Variants in BRPF3 observed in about 807,000 individuals in gnomAD.
BRPF3 encodes bromodomain and PHD finger-containing protein 3.
BRPF3 carries 18 observed loss-of-function variants against 102.0 expected under a neutral mutation model. The ratio of observed to expected loss-of-function variants is 0.18; its 90% CI spans 0.12 to 0.26. BRPF3 has a LOEUF of 0.26. BRPF3 is among the 10% of genes least tolerant of loss of function. BRPF3 has a pLI of 1.00. For missense variants in BRPF3, 1,147 were observed against 1,567.8 expected, an observed-to-expected ratio of 0.73 and a Z score of 4.53; for synonymous variants, 570 against 614.2, an observed-to-expected ratio of 0.93 and a Z score of 1.06.
In BRPF3 at chr6:36,210,270, C is replaced by A; in HGVS notation, c.1921C>A (p.Arg641=). 1 of 1,614,188 alleles carries A rather than the reference C, an allele frequency of 6.2e-7. No individual in the cohort carries two copies. Among genetic ancestry groups the A allele is most frequent in the South Asian group, 1.1e-5 (1 of 91,084 alleles). Reference sequence around the variant, plus strand: ...GCCAATGGATTTTTCTACTATGAGGCGGAAGCTGGAGTCCCACCTGTACCG... The same window carrying A: ...GCCAATGGATTTTTCTACTATGAGGAGGAAGCTGGAGTCCCACCTGTACCG... ...SKPMDFSTMR[R]KLESHLYRTL... The change falls in exon 6 of 13, where the codon CGG becomes AGG. Residue 641 remains arginine, a synonymous_variant. Coordinates refer to ENST00000357641, the MANE Select transcript of BRPF3 (RefSeq NM_015695.3). The surrounding 1 kb of genome is among the most constrained non-coding windows in gnomAD (Gnocchi z 4.7).
chr6:36,207,273 A>G (rs770252110), intron 3 of BRPF3, 40 bp from the exon 4 acceptor site: 13 of 1,598,844 alleles, frequency 8.1e-6, no homozygotes, highest in Non-Finnish European at 1.0e-5. Flanking sequence ...GACTTTTGCA[A>G]GAAGGAGGTT....
Position 36,214,289 on chromosome 6 carries a change from C to G in BRPF3, c.2892C>G (p.Ala964=). ...HGVAGSPASP[A]SIEEERHSRK... ...TGGCAGGCTCTCCTGCCTCTCCAGC[C>G]AGCATCGAGGAAGAGCGCCACTCCC... is the stretch of plus-strand genomic sequence containing the variant. Residue 964 remains alanine, a synonymous_variant, in exon 8 of 13, where the codon GCC becomes GCG. Coordinates refer to ENST00000357641, the MANE Select transcript of BRPF3 (RefSeq NM_015695.3). 6.2e-7 allele frequency: 1 copy of G among 1,614,088 alleles called. No individual in the cohort carries two copies. The highest frequency in any genetic ancestry group is 8.5e-7 in the Non-Finnish European group (1 of 1,180,038).
At chr6:36,202,665 A>AG (rs1424707556) in intron 2 of BRPF3, among the ~76,000 whole-genome samples, 1 of 152,186 alleles carries the variant, frequency 6.6e-6, no homozygotes, top group Non-Finnish European at 1.5e-5. Context: ...CCCCAGATGA[A>AG]GAAACTGCGG....
Position 36,200,301 on chromosome 6 carries a change from G to GAGAGA in BRPF3, c.-22_-21insAGAGA. ...CTCCTGGCCTTCTCTCCTTAGGCCT[G>GAGAGA]TCCCCTCAGTTCCCAGGTGCCATGA... is the stretch of plus-strand genomic sequence containing the variant. On this transcript the variant is annotated 5_prime_UTR_variant, in exon 2 of 13. Coordinates refer to ENST00000357641, the MANE Select transcript of BRPF3 (RefSeq NM_015695.3). This position sits in a 1 kb window ranked among gnomAD's most constrained non-coding sequence, Gnocchi z 5.3. 6.2e-7 allele frequency: 1 copy of GAGAGA among 1,605,612 alleles called. No individual in the cohort carries two copies. The highest frequency in any genetic ancestry group is 8.5e-7 in the Non-Finnish European group (1 of 1,175,730).
intron 9 of BRPF3, among the ~76,000 whole-genome samples, chr6:36,218,420 T>C (rs1200328600): frequency 6.6e-5 from 10 of 151,936 alleles, no homozygotes; most frequent in African/African-American, 1.5e-4. Flanking sequence ...AGAGGTGTGG[T>C]GTAGGTGTAT....
chr6:36,223,930 T>C (rs6935941), intron 10 of BRPF3, among the ~76,000 whole-genome samples: 2,090 of 152,346 alleles, frequency 0.014, 39 homozygotes, highest in African/African-American at 0.041. Context: ...GTTTGGTCTG[T>C]AATTGCATCA....
At position 36,225,320 on chromosome 6, in the gene BRPF3, C is replaced by T. The variant is rs1310180957; in HGVS notation, c.3235C>T (p.Leu1079=). The T allele has an allele frequency of 3.1e-6, 5 of 1,610,888 alleles. No individual in the cohort carries two copies. The highest frequency in any genetic ancestry group is 4.2e-6 in the Non-Finnish European group (5 of 1,180,014). The change falls in exon 11 of 13, where the codon CTG becomes TTG. Residue 1079 remains leucine, a synonymous_variant. Transcript: ENST00000357641. The part of the protein sequence containing the change: ...EDRGDLEPLE[L]VWAKCRGYPS... ...CCGCGGAGACCTGGAGCCCTTGGAGCTGGTGTGGGCCAAGTGCCGAGGCTA... is the reference window on the plus strand; with the variant it reads ...CCGCGGAGACCTGGAGCCCTTGGAGTTGGTGTGGGCCAAGTGCCGAGGCTA...
At chr6:36,228,847 G>A in intron 11 of BRPF3, 55 bp from the exon 12 acceptor site, 1 of 1,598,338 alleles carries the variant, frequency 6.3e-7, no homozygotes, top group South Asian at 1.1e-5. Flanking sequence ...TGCAGCAGGG[G>A]CACTGCTCAC....
At chr6:36,214,625 G>T (rs1310871579) in intron 8 of BRPF3, among the ~76,000 whole-genome samples, 1 of 152,116 alleles carries the variant, frequency 6.6e-6, no homozygotes, top group East Asian at 1.9e-4. Flanking sequence ...GGCCCTGAGG[G>T]TAATGCAATG....
chr6:36,228,816 G>T, intron 11 of BRPF3, 86 bp from the exon 12 acceptor site: 2 of 1,481,682 alleles, frequency 1.3e-6, no homozygotes, highest in Non-Finnish European at 9.3e-7. Flanking sequence ...CCCCTGGTGT[G>T]GGTGCTTCAG....
Position 36,201,421 on chromosome 6 carries a change from G to A in BRPF3, c.1099G>A (p.Glu367Lys), listed in dbSNP as rs778286287. 12 of 1,614,060 alleles carry A rather than the reference G, an allele frequency of 7.4e-6. No individual in the cohort carries two copies. The highest frequency in any genetic ancestry group is 1.3e-5 in the African/African-American group (1 of 74,924). ...GLFMKIEPMR[E>K]TSLNGTIFTV... ...CTTCATGAAGATTGAGCCCATGCGC[G>A]AAACCAGCCTCAATGGCACCATCTT... Residue 367 changes from glutamate (E) to lysine (K), a missense_variant, in exon 2 of 13, where the codon GAA (glutamate) becomes AAA (lysine). Physicochemically the swap from Glu to Lys is moderately conservative, Grantham distance 56 (BLOSUM62 1). Transcript: ENST00000357641. This position sits in a 1 kb window ranked among gnomAD's most constrained non-coding sequence, Gnocchi z 5.1.
chr6:36,202,208 A>C (rs747025605), intron 2 of BRPF3, among the ~76,000 whole-genome samples: 3 of 152,134 alleles, frequency 2.0e-5, no homozygotes, highest in Non-Finnish European at 4.4e-5. Flanking sequence ...TGTTTTCAAA[A>C]ACCCTTGGGG....
chr6:36,225,417 C>A (rs1460989756), intron 11 of BRPF3, 53 bp downstream of exon 11: 1 of 1,476,630 alleles, frequency 6.8e-7, no homozygotes, highest in Non-Finnish European at 9.4e-7. Context: ...GCCTTGGGGG[C>A]TAATCTGATT....
Position 36,201,429 on chromosome 6 carries a change from C to T in BRPF3, c.1107C>T (p.Ser369=). The change falls in exon 2 of 13, where the codon AGC becomes AGT. Residue 369 remains serine (S), a synonymous_variant. Transcript: ENST00000357641. The surrounding 1 kb of genome is among the most constrained non-coding windows in gnomAD (Gnocchi z 5.1). ...AGATTGAGCCCATGCGCGAAACCAG[C>T]CTCAATGGCACCATCTTTACAGTGC... ...FMKIEPMRET[S]LNGTIFTVRK... The T allele has an allele frequency of 6.2e-7, 1 of 1,614,198 alleles. No individual in the cohort carries two copies. Among genetic ancestry groups the T allele is most frequent in the Non-Finnish European group, 8.5e-7 (1 of 1,180,050 alleles).
In BRPF3 at chr6:36,200,359, G is replaced by C. The variant is rs202166840; in HGVS notation, c.37G>C (p.Glu13Gln). The change falls in exon 2 of 13, where the codon GAG (glutamate) becomes CAG (glutamine). Residue 13 changes from glutamate to glutamine, a missense_variant. Physicochemically the swap from Glu to Gln is conservative, Grantham distance 29. Around this residue, in one of 11 missense-constraint regions of BRPF3, gnomAD observed 38 missense variants for 34.3 expected, o/e 1.11. Transcript: ENST00000357641. The surrounding 1 kb of genome is among the most constrained non-coding windows in gnomAD (Gnocchi z 5.3). Reference sequence around the variant, plus strand: ...TCGTCGGAAGTCCCGGCAGAATGCCGAGGGCCGGCGTTCCCCGTCCCCCTA... The same window carrying C: ...TCGTCGGAAGTCCCGGCAGAATGCCCAGGGCCGGCGTTCCCCGTCCCCCTA... ...KPRRKSRQNA[E>Q]GRRSPSPYSL... 6.2e-7 allele frequency: 1 copy of C among 1,614,042 alleles called. No homozygotes were observed. Among genetic ancestry groups the C allele is most frequent in the Non-Finnish European group, 8.5e-7 (1 of 1,180,006 alleles).
rs1339941705 is a variant in BRPF3 at position 36,231,193 on chromosome 6, C to T, written c.*584C>T. 1 of 153,008 alleles carries T rather than the reference C, an allele frequency of 6.5e-6. No homozygotes were observed. The highest frequency in any genetic ancestry group is 2.4e-5 in the African/African-American group (1 of 41,454). The allele number at this position is 153,008 out of a possible 1,614,324, so 9.5% of individuals were successfully genotyped here. ...TGTGCCAAACTGACAGAAACCGTCA[C>T]CACACTGGTCTTTTTCTTTAATGTC... is the stretch of plus-strand genomic sequence containing the variant. On this transcript the variant is annotated 3_prime_UTR_variant, in exon 13 of 13. Coordinates refer to ENST00000357641, the MANE Select transcript of BRPF3 (RefSeq NM_015695.3).
In BRPF3 at chr6:36,232,565, C is replaced by T. The variant is rs925434988; in HGVS notation, c.*1956C>T. ...GCTCAGATCCTGCTGTGGCACGGGG[C>T]CTATGTGTCTCTGTCGCGTCTGCTG... On this transcript the variant is annotated 3_prime_UTR_variant, in exon 13 of 13. Transcript: ENST00000357641. The T allele has an allele frequency of 6.6e-6, 1 of 152,634 alleles. No homozygotes were observed. The highest frequency in any genetic ancestry group is 2.4e-5 in the African/African-American group (1 of 41,446). 9.5% of individuals were successfully genotyped at this position (152,634 alleles called of 1,614,324 possible). A position where few individuals can be genotyped will look rare whatever the true frequency, so the allele number is the denominator to read the frequency against.
chr6:36,209,769 A>T lies in BRPF3; in HGVS notation c.1738-18A>T. ...GCAGGGGATGTTCTGATCTGATCTCACCCCACCTTCCCCACAGGTCAAAGT... is the reference window on the plus strand; with the variant it reads ...GCAGGGGATGTTCTGATCTGATCTCTCCCCACCTTCCCCACAGGTCAAAGT... On this transcript the variant is annotated intron_variant, in intron 4 of 12. Transcript: ENST00000357641. The T allele has an allele frequency of 3.1e-6, 5 of 1,612,944 alleles. No homozygotes were observed. Among genetic ancestry groups the T allele is most frequent in the Middle Eastern group, 3.3e-4 (2 of 6,050 alleles).
rs1414901133 is a variant in BRPF3 at position 36,230,632 on chromosome 6, G to A, written c.*23G>A. 1.1e-5 allele frequency: 17 copies of A among 1,608,482 alleles called. No individual in the cohort carries two copies. The highest frequency in any genetic ancestry group is 1.7e-4 in the Middle Eastern group (1 of 6,050). On this transcript the variant is annotated 3_prime_UTR_variant, in exon 13 of 13. Transcript: ENST00000357641. The surrounding 1 kb of genome is among the most constrained non-coding windows in gnomAD (Gnocchi z 5.4). ...TAAGGGCAGGGCTGGGCCTGCATCCGCTTGCCCTGCCTCCATCCCGCAGGG... is the reference window on the plus strand; with the variant it reads ...TAAGGGCAGGGCTGGGCCTGCATCCACTTGCCCTGCCTCCATCCCGCAGGG...
Sources: gnomAD v4.1 joint callset for allele counts (sites outside exome capture counted in the v4.1 genomes callset) on GRCh38, gnomAD v4.1.1 for gene constraint, gnomAD v4.1.1 regional missense constraint, Gnocchi (gnomAD v3.1) non-coding constraint, MANE v1.5 for transcripts, NCBI Gene and HGNC (gene_info 2026-07-23, HGNC 2026-07-21) for gene names.